Variants in MCF2L2 observed in about 807,000 individuals in gnomAD.
MCF2L2 encodes MCF.2 cell line derived transforming sequence-like 2, also known as probable guanine nucleotide exchange factor MCF2L2.
In MCF2L2, 102 loss-of-function variants were observed where a neutral mutation model predicts 150.2. The observed-to-expected ratio is 0.68, with a 90% CI of 0.58 to 0.80. The LOEUF is 0.80. Ranked by LOEUF, MCF2L2 falls within the 30% of genes least tolerant of loss-of-function variation. The pLI, the probability that MCF2L2 is intolerant of heterozygous loss-of-function variation, is 0.00. For missense variants in MCF2L2, 1,256 were observed against 1,372.8 expected (o/e 0.91, Z 1.34); for synonymous variants, 465 against 491.3 (o/e 0.95, Z 0.71).
intron 1 of MCF2L2, among the ~76,000 whole-genome samples, chr3:183,406,643 C>G (rs983770873): frequency 6.6e-6 from 1 of 152,180 alleles, no homozygotes; most frequent in East Asian, 1.9e-4. Flanking sequence ...CGCCTGCCAC[C>G]ATGCCCAGCT....
intron 21 of MCF2L2, among the ~76,000 whole-genome samples, chr3:183,217,371 C>T (rs944501316): frequency 9.8e-5 from 14 of 142,592 alleles, no homozygotes; most frequent in African/African-American, 3.6e-4. Flanking sequence ...ACTCAGGAGG[C>T]TGAGGCAGGA....
chr3:183,179,210 A>G lies in MCF2L2; in HGVS notation c.*170T>C, dbSNP rs560954253. On this transcript the variant is annotated 3_prime_UTR_variant, in exon 30 of 30. Transcript: ENST00000328913. This position sits in a 1 kb window ranked among gnomAD's most constrained non-coding sequence, Gnocchi z 4.2. ...GTCCCCCGTGCGGAGCTAGGCGCGC[A>G]CCCAGGACACCCCTCGGGCTCCTCG... 6.6e-6 allele frequency: 6 copies of G among 913,746 alleles called. No individual in the cohort carries two copies. The East Asian group carries it at 2.0e-4, about 30-fold the overall frequency. The allele number at this position is 913,746 out of a possible 1,614,324, so 56.6% of individuals were successfully genotyped here. A position where few individuals can be genotyped will look rare whatever the true frequency, so the allele number is the denominator to read the frequency against.
intron 15 of MCF2L2, among the ~76,000 whole-genome samples, chr3:183,247,259 C>T (rs996518946): frequency 6.6e-6 from 1 of 152,154 alleles, no homozygotes; most frequent in Non-Finnish European, 1.5e-5. Context: ...AAACAGTGCC[C>T]ACTTTTCTGA....
chr3:183,225,553 T>TA (rs763413325), intron 18 of MCF2L2: 12 of 152,386 alleles, frequency 7.9e-5, no homozygotes, highest in Non-Finnish European at 1.5e-4. Context: ...CATACTTGCT[T>TA]ACGGATTAAG....
chr3:183,210,097 C>T (rs776677873), intron 22 of MCF2L2, among the ~76,000 whole-genome samples: 11 of 151,958 alleles, frequency 7.2e-5, no homozygotes, highest in Non-Finnish European at 1.6e-4. Flanking sequence ...AGAAAATAAC[C>T]GAGGGAATTA....
chr3:183,309,588 G>C (rs904944773), intron 10 of MCF2L2, 128 bp downstream of exon 10: 1 of 1,156,148 alleles, frequency 8.6e-7, no homozygotes, highest in African/African-American at 1.5e-5. Flanking sequence ...GGGATCCTGG[G>C]GTGACTGAAG....
At position 183,305,462 on chromosome 3, in the gene MCF2L2, T is replaced by C. The variant is rs1729051069; in HGVS notation, c.1113+4254A>G. ...CCTGCCCTTCCCTCAGCATACAGTATTTCACCCTTCAGAATTTTCCAGAAG... is the reference window on the plus strand; with the variant it reads ...CCTGCCCTTCCCTCAGCATACAGTACTTCACCCTTCAGAATTTTCCAGAAG... On this transcript the variant is annotated intron_variant, in intron 10 of 29. Coordinates refer to ENST00000328913, the MANE Select transcript of MCF2L2 (RefSeq NM_015078.4). This position sits in a 1 kb window ranked among gnomAD's most constrained non-coding sequence, Gnocchi z 4.1. 6.6e-6 allele frequency among the ~76,000 whole-genome samples: 1 copy of C among 152,100 alleles called. No homozygotes were observed. Among genetic ancestry groups the C allele is most frequent in the African/African-American group, 2.4e-5 (1 of 41,416 alleles).
chr3:183,200,706 T>C (rs1722248201), intron 25 of MCF2L2, among the ~76,000 whole-genome samples: 1 of 152,246 alleles, frequency 6.6e-6, no homozygotes, highest in Non-Finnish European at 1.5e-5. Context: ...CCCATGCCTA[T>C]GGCCTGAATG....
chr3:183,336,772 T>C (rs1433933378), intron 5 of MCF2L2, among the ~76,000 whole-genome samples: 3 of 151,752 alleles, frequency 2.0e-5, no homozygotes, highest in Admixed American at 6.6e-5. Flanking sequence ...GAGAATTGCT[T>C]GAACCTGTGT....
intron 27 of MCF2L2, among the ~76,000 whole-genome samples, chr3:183,192,033 T>G (rs1458663930): frequency 5.3e-5 from 8 of 150,952 alleles, no homozygotes; most frequent in Admixed American, 2.6e-4. Context: ...GTATTTTTAG[T>G]AGAGATGGGG....
intron 27 of MCF2L2, among the ~76,000 whole-genome samples, chr3:183,188,984 C>T (rs9859100): frequency 0.072 from 10,984 of 151,828 alleles, 1,071 homozygotes; most frequent in African/African-American, 0.23. Flanking sequence ...AAAAAAGCAA[C>T]GCTTATGATT....
At chr3:183,203,306 T>C (rs539594215) in intron 25 of MCF2L2, among the ~76,000 whole-genome samples, 2 of 152,154 alleles carry the variant, frequency 1.3e-5, no homozygotes, top group Admixed American at 6.5e-5. Flanking sequence ...TTTTACATGT[T>C]CAAAAAGTTA....
chr3:183,251,420 T>A (rs975817764), intron 15 of MCF2L2, among the ~76,000 whole-genome samples: 1 of 152,192 alleles, frequency 6.6e-6, no homozygotes, highest in Non-Finnish European at 1.5e-5. Context: ...TAATGATGCA[T>A]GTGCCTTACT....
At chr3:183,277,238 G>A (rs1227829989) in intron 14 of MCF2L2, among the ~76,000 whole-genome samples, 4 of 151,692 alleles carry the variant, frequency 2.6e-5, no homozygotes, top group Non-Finnish European at 5.9e-5. Flanking sequence ...TCTGGAGGCT[G>A]AGGCAGGAGA....
At chr3:183,347,573 A>G (rs1456877081) in intron 3 of MCF2L2, among the ~76,000 whole-genome samples, 1 of 152,226 alleles carries the variant, frequency 6.6e-6, no homozygotes, top group Non-Finnish European at 1.5e-5. Flanking sequence ...ACTAAACTAA[A>G]CAGCTTTGGC....
At chr3:183,191,611 C>T (rs1453870259) in intron 27 of MCF2L2, among the ~76,000 whole-genome samples, 2 of 152,148 alleles carry the variant, frequency 1.3e-5, no homozygotes, top group Admixed American at 6.5e-5. Flanking sequence ...GTTTGAGATG[C>T]GACAGCAAAA....
intron 21 of MCF2L2, among the ~76,000 whole-genome samples, chr3:183,217,081 G>T (rs1249334033): frequency 1.3e-5 from 2 of 151,232 alleles, no homozygotes; most frequent in Non-Finnish European, 2.9e-5. Context: ...AGCACTTGAG[G>T]TCAGGAGTTT....
chr3:183,422,831 T>A (rs1030180010), intron 1 of MCF2L2, among the ~76,000 whole-genome samples: 1 of 152,216 alleles, frequency 6.6e-6, no homozygotes, highest in Admixed American at 6.5e-5. Context: ...GCCTGGCTTT[T>A]AAAATAATTT....
intron 3 of MCF2L2, among the ~76,000 whole-genome samples, chr3:183,366,586 C>T (rs1233579789): frequency 6.6e-6 from 1 of 152,012 alleles, no homozygotes; most frequent in East Asian, 1.9e-4. Context: ...GCAAAGGCTG[C>T]AGTGAGCCGA....
Sources: allele counts gnomAD v4.1 joint callset (sites outside exome capture counted in the v4.1 genomes callset), GRCh38; gene constraint gnomAD v4.1.1; non-coding constraint Gnocchi (gnomAD v3.1); transcripts MANE v1.5; gene names NCBI Gene and HGNC (gene_info 2026-07-23, HGNC 2026-07-21).